Variants in NRG1 observed in about 807,000 individuals in gnomAD.
NRG1 encodes the protein pro-neuregulin-1, membrane-bound isoform.
A neutral mutation model predicts 63.8 loss-of-function variants in NRG1; 18 were observed. That is an observed-to-expected ratio of 0.28 (90% CI 0.19 to 0.42). The LOEUF (loss-of-function observed/expected upper bound fraction) is 0.42. Ranked by LOEUF, NRG1 falls within the 10% of genes least tolerant of loss-of-function variation. The pLI, the probability that NRG1 is intolerant of heterozygous loss-of-function variation, is 1.00. For synonymous variants in NRG1, 302 were observed against 301.3 expected (o/e 1.00, Z -0.02); for missense variants, 762 against 814.7 (o/e 0.94, Z 0.79).
chr8:32,570,829 T>C (rs908075144), intron 1 of NRG1, among the ~76,000 whole-genome samples: 1 of 152,210 alleles, frequency 6.6e-6, no homozygotes, highest in African/African-American at 2.4e-5. Flanking sequence ...AAGATAATTA[T>C]GTTAATATGA....
At chr8:32,711,300 G>A (rs1206106959) in intron 5 of NRG1, among the ~76,000 whole-genome samples, 1 of 150,874 alleles carries the variant, frequency 6.6e-6, no homozygotes, top group East Asian at 2.0e-4. Context: ...GTGTTAAAAT[G>A]CTAGAATGTC....
chr8:31,856,401 G>A (rs924727848), intron 1 of NRG1, among the ~76,000 whole-genome samples: 8 of 152,104 alleles, frequency 5.3e-5, no homozygotes, highest in African/African-American at 1.9e-4. Context: ...CCAGTTGATT[G>A]CATTGGCTCT....
intron 1 of NRG1, among the ~76,000 whole-genome samples, chr8:32,441,723 A>T (rs1317241485): frequency 6.6e-6 from 1 of 152,172 alleles, no homozygotes; most frequent in East Asian, 1.9e-4. Flanking sequence ...TGGAGTCTCA[A>T]CAGAGGCCAT....
intron 5 of NRG1, among the ~76,000 whole-genome samples, chr8:32,676,372 C>G (rs975819740): frequency 5.3e-5 from 8 of 152,192 alleles, no homozygotes; most frequent in African/African-American, 1.9e-4. Context: ...ATTTTGCTGT[C>G]TGGCTGCCAC....
intron 5 of NRG1, among the ~76,000 whole-genome samples, chr8:32,703,714 A>G (rs1487081808): frequency 6.6e-6 from 1 of 152,198 alleles, no homozygotes; most frequent in Non-Finnish European, 1.5e-5. Flanking sequence ...TTAACAAAGC[A>G]TTAGATATAA....
In NRG1 at chr8:32,042,961, AGTGTGT is replaced by A. The variant is rs111850977; in HGVS notation, c.37+403553_37+403558del. 1.7e-3 allele frequency among the ~76,000 whole-genome samples: 243 copies of A among 140,002 alleles called. 2 individuals carry two copies. The highest frequency in any genetic ancestry group is 7.3e-3 in the Middle Eastern group (2 of 274). 91.8% of individuals were successfully genotyped at this position (140,002 alleles called of 152,430 possible). A position where few individuals can be genotyped will look rare whatever the true frequency, so the allele number is the denominator to read the frequency against. On this transcript the variant is annotated intron_variant, in intron 1 of 10. Transcript: ENST00000519301. ...AAATCCAGAAAGGTAGAAAGAGTGC[AGTGTGT>A]GTGTGTGTGTGTGTGTGTGTGTATG... is the stretch of plus-strand genomic sequence containing the variant.
chr8:32,769,609 T>C (rs1298181248), downstream of NRG1, among the ~76,000 whole-genome samples: 1 of 152,230 alleles, frequency 6.6e-6, no homozygotes, highest in African/African-American at 2.4e-5. Context: ...CACTTTGCAC[T>C]CTATGTTTGG....
rs183876316 is a variant in NRG1 at position 32,235,408 on chromosome 8, A to G, written c.38-360420A>G. On this transcript the variant is annotated intron_variant, in intron 1 of 10. Coordinates refer to the NRG1 transcript ENST00000519301. ...ATTCTGTCTCCAAAAAATGAAAAAC[A>G]GCTGTATGGTTTGGAGAGCCAGTGG... 3.7e-3 allele frequency among the ~76,000 whole-genome samples: 560 copies of G among 152,190 alleles called. 1 individual carries two copies. The highest frequency in any genetic ancestry group is 0.024 in the South Asian group (114 of 4,824).
intron 1 of NRG1, among the ~76,000 whole-genome samples, chr8:32,089,325 T>C (rs982603275): frequency 1.3e-5 from 2 of 152,238 alleles, no homozygotes; most frequent in African/African-American, 2.4e-5. Context: ...AACCTTTTAC[T>C]GTTACCCACA....
intron 1 of NRG1, among the ~76,000 whole-genome samples, chr8:31,819,354 T>C (rs1458262982): frequency 6.6e-6 from 1 of 152,222 alleles, no homozygotes; most frequent in Non-Finnish European, 1.5e-5. Flanking sequence ...AGAAGGGAAT[T>C]AAACTCCTAG....
At chr8:31,747,868 C>G (rs1816804523) in intron 1 of NRG1, among the ~76,000 whole-genome samples, 2 of 151,940 alleles carry the variant, frequency 1.3e-5, no homozygotes, top group African/African-American at 4.8e-5. Context: ...TTCTTGGCTG[C>G]TGATGTATAT....
intron 1 of NRG1, among the ~76,000 whole-genome samples, chr8:31,797,771 A>C (rs536679541): frequency 6.6e-6 from 1 of 152,362 alleles, no homozygotes; most frequent in South Asian, 2.1e-4. Context: ...ACAATAGCCA[A>C]GATATAGAAT....
chr8:31,834,749 G>A (rs557352716), intron 1 of NRG1, among the ~76,000 whole-genome samples: 2 of 152,232 alleles, frequency 1.3e-5, no homozygotes, highest in South Asian at 2.1e-4. Flanking sequence ...AAGATGCTAC[G>A]TACATTATAC....
chr8:32,632,549 C>CAAA (rs5890673), intron 5 of NRG1, among the ~76,000 whole-genome samples: 41 of 110,002 alleles, frequency 3.7e-4, no homozygotes, highest in African/African-American at 1.2e-3. Context: ...AACTCCATCT[C>CAAA]AAAAAAAAAA....
Position 32,609,558 on chromosome 8 carries a change from CCT to C in NRG1, c.400+3876_400+3877del, listed in dbSNP as rs1845947004. On this transcript the variant is annotated intron_variant, in intron 3 of 11. Coordinates refer to ENST00000356819, the Ensembl canonical transcript of NRG1. Reference sequence around the variant, plus strand: ...CAAGAATTTCCTTCCCTCCCTCCTTCCTTCCTTCCTTCCTTCCTTCCTTCCTT... The same window carrying C: ...CAAGAATTTCCTTCCCTCCCTCCTTCTCCTTCCTTCCTTCCTTCCTTCCTT... Among the ~76,000 whole-genome samples, 278 of 46,174 alleles carry C rather than the reference CCT, an allele frequency of 6.0e-3. 5 individuals are homozygous for C. The highest frequency in any genetic ancestry group is 0.018 in the African/African-American group (272 of 14,814). 30.3% of individuals were successfully genotyped at this position (46,174 alleles called of 152,430 possible). A position where few individuals can be genotyped will look rare whatever the true frequency, so the allele number is the denominator to read the frequency against.
At chr8:32,142,983 G>A (rs1836447409) in intron 1 of NRG1, among the ~76,000 whole-genome samples, 1 of 152,164 alleles carries the variant, frequency 6.6e-6, no homozygotes, top group Non-Finnish European at 1.5e-5. Context: ...TAAACGTGAG[G>A]CAAACCAAAG....
intron 1 of NRG1, among the ~76,000 whole-genome samples, chr8:32,072,356 C>G (rs1161959840): frequency 1.3e-5 from 2 of 151,204 alleles, no homozygotes; most frequent in Non-Finnish European, 2.9e-5. Context: ...TCTTTCATTT[C>G]CTCTGGGGAA....
rs1021573004 is a variant in NRG1, at chr8:32,353,843, T to A, written c.38-241985T>A. Reference sequence around the variant, plus strand: ...TATTTACTCAAGAGAAATGAAAGCCTATGTCCATACAAAGACTTGTATGTA... The same window carrying A: ...TATTTACTCAAGAGAAATGAAAGCCAATGTCCATACAAAGACTTGTATGTA... On this transcript the variant is annotated intron_variant, in intron 1 of 10. Transcript: ENST00000519301. 1.3e-3 allele frequency among the ~76,000 whole-genome samples: 199 copies of A among 152,316 alleles called. 3 individuals carry two copies. Among genetic ancestry groups the A allele is most frequent in the African/African-American group, 4.3e-3 (180 of 41,584 alleles).
intron 1 of NRG1, among the ~76,000 whole-genome samples, chr8:32,360,476 A>G (rs1807062258): frequency 6.6e-6 from 1 of 152,224 alleles, no homozygotes; most frequent in South Asian, 2.1e-4. Flanking sequence ...AGTAGGGTGA[A>G]AAGTATTATA....
Sources: gnomAD v4.1 joint callset for allele counts (sites outside exome capture counted in the v4.1 genomes callset) on GRCh38, gnomAD v4.1.1 for gene constraint, MANE v1.5 for transcripts, NCBI Gene and HGNC (gene_info 2026-07-23, HGNC 2026-07-21) for gene names.